Variants in TNKS observed in about 807,000 individuals in gnomAD.
TNKS encodes the protein poly [ADP-ribose] polymerase tankyrase-1.
Under a neutral mutation model 135.8 loss-of-function variants are expected in TNKS, and 72 were observed. That is an observed-to-expected ratio of 0.53 (90% CI 0.44 to 0.64). The LOEUF (loss-of-function observed/expected upper bound fraction) is 0.64. Among genes scored for constraint, TNKS ranks in the 30% least tolerant of loss-of-function variants. The pLI is 0.00. For missense variants in TNKS, 1,769 were observed against 1,674.0 expected, an observed-to-expected ratio of 1.06 and a Z score of -0.99; for synonymous variants, 849 against 649.3, an observed-to-expected ratio of 1.31 and a Z score of -4.68.
chr8:9,630,297 C>G (rs968220057), intron 3 of TNKS, among the ~76,000 whole-genome samples: 2 of 152,124 alleles, frequency 1.3e-5, no homozygotes, highest in African/African-American at 4.8e-5. Context: ...TAGACTAGCA[C>G]TGTTATATTA....
At chr8:9,731,225 G>A (rs1459149063) in intron 14 of TNKS, among the ~76,000 whole-genome samples, 190 bp downstream of exon 14, 3 of 151,976 alleles carry the variant, frequency 2.0e-5, no homozygotes, top group Non-Finnish European at 2.9e-5. Flanking sequence ...TTTGGGAGGC[G>A]AAGGCGGGCA....
chr8:9,623,575 A>G (rs535547387), intron 3 of TNKS, among the ~76,000 whole-genome samples: 6 of 152,198 alleles, frequency 3.9e-5, no homozygotes, highest in Non-Finnish European at 8.8e-5. Context: ...AAGTGAGCAC[A>G]TGCTGTTAGA....
At chr8:9,765,574 T>C (rs1241941422) in intron 23 of TNKS, 118 bp from the exon 24 acceptor site, 1 of 779,324 alleles carries the variant, frequency 1.3e-6, no homozygotes, top group Non-Finnish European at 2.0e-6. Flanking sequence ...TTATCACTTT[T>C]AAATTATGTC....
rs67581048 is a variant in TNKS, at chr8:9,762,506, CTTT to C, written c.3275-634_3275-632del. On this transcript the variant is annotated intron_variant, in intron 21 of 26. Coordinates refer to ENST00000310430, the MANE Select transcript of TNKS (RefSeq NM_003747.3). The stretch of plus-strand genomic sequence containing the variant: ...TATTGTGATGTCAGTGCCTGTTTTT[CTTT>C]TTTTTTGTGTCAGACATAGCTTCAT... Among the ~76,000 whole-genome samples, 190 of 151,480 alleles carry C rather than the reference CTTT, an allele frequency of 1.3e-3. 1 individual carries two copies. Among genetic ancestry groups the C allele is most frequent in the Non-Finnish European group, 2.0e-3 (133 of 67,770 alleles).
At chr8:9,679,625 A>G in intron 3 of TNKS, 1 of 252,920 alleles carries the variant, frequency 4.0e-6, no homozygotes, top group Non-Finnish European at 7.7e-6. Flanking sequence ...GAATAGAGAA[A>G]AGGGGGGAGG....
intron 5 of TNKS, among the ~76,000 whole-genome samples, chr8:9,689,375 C>T (rs1323440479): frequency 6.6e-6 from 1 of 152,124 alleles, no homozygotes; most frequent in Non-Finnish European, 1.5e-5. Context: ...AAGAGTAAAG[C>T]TTCAAGAAAG....
chr8:9,595,126 A>ATT (rs33914315), intron 2 of TNKS, among the ~76,000 whole-genome samples: 1 of 145,236 alleles, frequency 6.9e-6, no homozygotes. Context: ...CTGAATTGGT[A>ATT]TTTTTTTTTT....
At chr8:9,592,441 T>A (rs1397941465) in intron 2 of TNKS, among the ~76,000 whole-genome samples, 1 of 152,200 alleles carries the variant, frequency 6.6e-6, no homozygotes, top group Non-Finnish European at 1.5e-5. Context: ...ACTCAAAGAC[T>A]GGTCTTTATA....
At chr8:9,650,126 A>T (rs1333425210) in intron 3 of TNKS, among the ~76,000 whole-genome samples, 3 of 152,080 alleles carry the variant, frequency 2.0e-5, no homozygotes, top group South Asian at 2.1e-4. Context: ...TCCTGACCTC[A>T]GGTGATCCAC....
At chr8:9,700,902 G>C (rs1803767758) in intron 5 of TNKS, among the ~76,000 whole-genome samples, 1 of 150,290 alleles carries the variant, frequency 6.7e-6, no homozygotes, top group Non-Finnish European at 1.5e-5. Context: ...TTTAAAATCT[G>C]AAAACTAGTT....
intron 2 of TNKS, among the ~76,000 whole-genome samples, chr8:9,609,791 G>A (rs11994420): frequency 0.29 from 44,096 of 152,034 alleles, 6,713 homozygotes; most frequent in East Asian, 0.39. Flanking sequence ...TGTGCCATTT[G>A]AATTCTAATT....
chr8:9,632,091 C>A (rs540264208), intron 3 of TNKS, among the ~76,000 whole-genome samples: 1 of 152,236 alleles, frequency 6.6e-6, no homozygotes, highest in African/African-American at 2.4e-5. Flanking sequence ...TATAATTAGA[C>A]CTTTGATAAG....
chr8:9,617,825 C>A (rs1799700293), intron 3 of TNKS, among the ~76,000 whole-genome samples: 1 of 152,072 alleles, frequency 6.6e-6, no homozygotes, highest in Non-Finnish European at 1.5e-5. Context: ...GTGAAATTTT[C>A]CTTCTTAAAT....
chr8:9,675,406 A>G (rs1802491571), intron 3 of TNKS, among the ~76,000 whole-genome samples: 2 of 152,212 alleles, frequency 1.3e-5, no homozygotes, highest in African/African-American at 4.8e-5. Context: ...GAGAATTGAG[A>G]TTCTAGACTG....
chr8:9,623,447 T>C (rs1270450981), intron 3 of TNKS, among the ~76,000 whole-genome samples: 1 of 152,090 alleles, frequency 6.6e-6, no homozygotes, highest in African/African-American at 2.4e-5. Flanking sequence ...TTTTTTTTTT[T>C]TTTTGGTTTC....
intron 5 of TNKS, among the ~76,000 whole-genome samples, chr8:9,701,019 T>C (rs980850483): frequency 1.3e-5 from 2 of 151,670 alleles, no homozygotes; most frequent in African/African-American, 2.4e-5. Context: ...CTGCAAGCTC[T>C]GCCTCCTGTG....
At chr8:9,707,032 A>C in intron 8 of TNKS, 35 bp downstream of exon 8, 1 of 1,503,144 alleles carries the variant, frequency 6.7e-7, no homozygotes, top group Non-Finnish European at 8.9e-7. Context: ...TTATCGCATA[A>C]ATTGGAATAT....
chr8:9,757,572 C>T (rs1348943007), intron 20 of TNKS, among the ~76,000 whole-genome samples: 1 of 152,122 alleles, frequency 6.6e-6, no homozygotes, highest in Non-Finnish European at 1.5e-5. Context: ...CTCCTTCCTG[C>T]TCCTTCCTTC....
At chr8:9,565,922 GTA>G (rs1250288735) in intron 1 of TNKS, among the ~76,000 whole-genome samples, 1 of 152,078 alleles carries the variant, frequency 6.6e-6, no homozygotes, top group African/African-American at 2.4e-5. Flanking sequence ...TAAAGTGTGT[GTA>G]TACACACTTT....
Sources: gnomAD v4.1 joint callset for allele counts (sites outside exome capture counted in the v4.1 genomes callset) on GRCh38, gnomAD v4.1.1 for gene constraint, MANE v1.5 for transcripts, NCBI Gene and HGNC (gene_info 2026-07-23, HGNC 2026-07-21) for gene names.